The following NAA60 variants were observed in gnomAD, a reference collection of about 807,000 sequenced individuals.
NAA60 encodes the protein N-alpha-acetyltransferase 60, NatF catalytic subunit.
A neutral mutation model predicts 26.1 loss-of-function variants in NAA60; 8 were observed. The observed-to-expected ratio is 0.31, with a 90% CI of 0.18 to 0.55. NAA60 has a LOEUF of 0.55. Among genes scored for constraint, NAA60 ranks in the 20% least tolerant of loss-of-function variants. The pLI, the probability that NAA60 is intolerant of heterozygous loss-of-function variation, is 0.93. For missense variants in NAA60, 290 were observed against 311.3 expected (o/e 0.93, Z 0.51); for synonymous variants, 131 against 122.5 (o/e 1.07, Z -0.46).
At position 3,484,908 on chromosome 16, in the gene NAA60, C is replaced by T. The variant is rs192431020; in HGVS notation, c.*53C>T. Reference sequence around the variant, plus strand: ...CCACCCTTCGGCCGCCCGCAGAGCCCGCCTTCCTGTCCATCTGACCCCTTC... The same window carrying T: ...CCACCCTTCGGCCGCCCGCAGAGCCTGCCTTCCTGTCCATCTGACCCCTTC... On this transcript the variant is annotated 3_prime_UTR_variant, in exon 7 of 8. Coordinates refer to ENST00000407558, the MANE Select transcript of NAA60 (RefSeq NM_001083601.3). 2,947 of 1,547,936 alleles carry T rather than the reference C, an allele frequency of 1.9e-3. 44 individuals carry two copies. In the South Asian group the frequency reaches 0.025, roughly 13 times the overall value.
intron 1 of NAA60, 85 bp downstream of exon 1, chr16:3,443,922 A>C: frequency 6.9e-7 from 1 of 1,458,858 alleles, no homozygotes; most frequent in Non-Finnish European, 9.0e-7. Flanking sequence ...GTTCGGGCCT[A>C]GCCTGGGCTT....
intron 2 of NAA60, among the ~76,000 whole-genome samples, chr16:3,460,049 C>T (rs1194246796): frequency 2.0e-5 from 3 of 152,028 alleles, no homozygotes; most frequent in South Asian, 4.2e-4. Flanking sequence ...TACCTGTTAG[C>T]GGTGGTTAGA....
At chr16:3,470,508 A>G (rs2036061242) in intron 2 of NAA60, among the ~76,000 whole-genome samples, 1 of 152,210 alleles carries the variant, frequency 6.6e-6, no homozygotes, top group South Asian at 2.1e-4. Flanking sequence ...CCCTCCAACC[A>G]GCTCCACGTC....
At chr16:3,452,645 C>T (rs1489528229) in intron 2 of NAA60, among the ~76,000 whole-genome samples, 3 of 149,980 alleles carry the variant, frequency 2.0e-5, no homozygotes, top group Non-Finnish European at 4.4e-5. Context: ...CAGAGCAAGA[C>T]CCCGTCTCAA....
intron 2 of NAA60, among the ~76,000 whole-genome samples, chr16:3,453,403 A>C (rs2034860107): frequency 6.6e-6 from 1 of 151,624 alleles, no homozygotes; most frequent in Admixed American, 6.6e-5. Flanking sequence ...CCAATAATGA[A>C]ATCATGAAAA....
chr16:3,459,293 T>C (rs1371877273), intron 2 of NAA60, among the ~76,000 whole-genome samples: 2 of 152,182 alleles, frequency 1.3e-5, no homozygotes, highest in Non-Finnish European at 2.9e-5. Context: ...CGGCAGTCCA[T>C]GTAGCACTGT....
intron 2 of NAA60, among the ~76,000 whole-genome samples, chr16:3,471,952 G>A (rs4786420): frequency 0.061 from 9,344 of 152,236 alleles, 381 homozygotes; most frequent in Admixed American, 0.084. Context: ...GGGGTTAGTG[G>A]CTTTGTCCCA....
chr16:3,470,047 G>C (rs547524365), intron 2 of NAA60, among the ~76,000 whole-genome samples: 1 of 152,212 alleles, frequency 6.6e-6, no homozygotes, highest in African/African-American at 2.4e-5. Flanking sequence ...CCTTTGTCTC[G>C]TGTCAGGGGA....
intron 2 of NAA60, among the ~76,000 whole-genome samples, chr16:3,471,512 A>C (rs1187120030): frequency 6.6e-6 from 1 of 152,122 alleles, no homozygotes; most frequent in Non-Finnish European, 1.5e-5. Flanking sequence ...TCAAAAAATA[A>C]TAATAATAAA....
At chr16:3,458,686 C>T (rs1171762959) in intron 2 of NAA60, among the ~76,000 whole-genome samples, 1 of 152,170 alleles carries the variant, frequency 6.6e-6, no homozygotes, top group Non-Finnish European at 1.5e-5. Context: ...CCTCTGAACT[C>T]CTGAAAGCCA....
intron 2 of NAA60, among the ~76,000 whole-genome samples, chr16:3,455,218 AT>A (rs919513592): frequency 6.6e-6 from 1 of 150,554 alleles, no homozygotes; most frequent in African/African-American, 2.4e-5. Context: ...TGCTCAGCAA[AT>A]TTTTTTTTGT....
chr16:3,461,084 T>G (rs1444209995), intron 2 of NAA60, among the ~76,000 whole-genome samples: 1 of 152,144 alleles, frequency 6.6e-6, no homozygotes, highest in Non-Finnish European at 1.5e-5. Context: ...CTTTTTAGCA[T>G]GACCTCTGAT....
rs537328367 is a variant in NAA60, at chr16:3,457,925, C to G, written c.-7+9385C>G. The G allele has an allele frequency of 2.3e-3, 1,886 of 832,138 alleles. 3 individuals carry two copies. The highest frequency in any genetic ancestry group is 2.7e-3 in the Middle Eastern group (4 of 1,486). The allele number at this position is 832,138 out of a possible 1,614,324, so 51.5% of individuals were successfully genotyped here. On this transcript the variant is annotated intron_variant, in intron 2 of 7. Transcript: ENST00000407558. ...GGAGCCTGCCCGCTCCCAACCTGCCCGCTCCCAACATGGCGGCAGCGCCGG... is the reference window on the plus strand; with the variant it reads ...GGAGCCTGCCCGCTCCCAACCTGCCGGCTCCCAACATGGCGGCAGCGCCGG...
At chr16:3,483,324 A>G (rs1257230751) in intron 5 of NAA60, 39 bp from the exon 6 acceptor site, 14 of 1,474,438 alleles carry the variant, frequency 9.5e-6, no homozygotes, top group African/African-American at 1.4e-5. Context: ...TTCCTTCCTA[A>G]CTGCTCTGCC....
chr16:3,457,973 G>T (rs1235158005), intron 2 of NAA60: 3 of 985,164 alleles, frequency 3.0e-6, no homozygotes, highest in Non-Finnish European at 3.6e-6. Context: ...GGGCCACGTG[G>T]GGGCGGCGGC....
At chr16:3,449,439 A>G (rs1204227597) in intron 2 of NAA60, among the ~76,000 whole-genome samples, 1 of 152,036 alleles carries the variant, frequency 6.6e-6, no homozygotes, top group Admixed American at 6.6e-5. Flanking sequence ...AATGGTGTGA[A>G]CCTGGGAGGT....
chr16:3,451,316 T>C (rs1422682875), intron 2 of NAA60, among the ~76,000 whole-genome samples: 1 of 152,148 alleles, frequency 6.6e-6, no homozygotes, highest in African/African-American at 2.4e-5. Context: ...AGGAAAATGG[T>C]AAGATGAGTT....
At chr16:3,468,592 G>T (rs182526201) in intron 2 of NAA60, among the ~76,000 whole-genome samples, 1 of 152,226 alleles carries the variant, frequency 6.6e-6, no homozygotes, top group East Asian at 1.9e-4. Flanking sequence ...GGAGTTGGGG[G>T]AAGCAGAGAA....
At chr16:3,480,096 C>A (rs566372737) in intron 4 of NAA60, among the ~76,000 whole-genome samples, 1 of 152,264 alleles carries the variant, frequency 6.6e-6, no homozygotes, top group East Asian at 1.9e-4. Flanking sequence ...TCACTTCAGG[C>A]TAGCAAACCC....
Sources: allele counts gnomAD v4.1 joint callset (sites outside exome capture counted in the v4.1 genomes callset), GRCh38; gene constraint gnomAD v4.1.1; transcripts MANE v1.5; gene names NCBI Gene and HGNC (gene_info 2026-07-23, HGNC 2026-07-21).